Variants in DNAH5 observed in about 807,000 individuals in gnomAD.
The protein encoded by DNAH5 is dynein axonemal heavy chain 5, also known as axonemal beta dynein heavy chain 5.
In DNAH5, 372 loss-of-function variants were observed where a neutral mutation model predicts 518.2. The observed-to-expected ratio is 0.72, with a 90% CI of 0.66 to 0.78. DNAH5 has a LOEUF of 0.78. Ranked by LOEUF, DNAH5 falls within the 30% of genes least tolerant of loss-of-function variation. The pLI is 0.00. For synonymous variants in DNAH5, 2,039 were observed against 2,025.9 expected (o/e 1.01, Z -0.17); for missense variants, 5,523 against 5,687.0 (o/e 0.97, Z 0.93).
At chr5:13,948,454 TAC>T (rs1780105275), upstream of DNAH5, among the ~76,000 whole-genome samples, 1 of 152,180 alleles carries the variant, frequency 6.6e-6, no homozygotes, top group Non-Finnish European at 1.5e-5. Flanking sequence ...GTCAGATGAA[TAC>T]AGTTTTGTGA....
chr5:13,865,600 G>T, intron 27 of DNAH5, 68 bp downstream of exon 27: 1 of 946,474 alleles, frequency 1.1e-6, no homozygotes, highest in Non-Finnish European at 1.7e-6. Flanking sequence ...AAGAGAACTT[G>T]GCTGCCTATC....
intron 30 of DNAH5, 84 bp from the exon 31 acceptor site, chr5:13,850,899 G>T: frequency 7.0e-7 from 1 of 1,420,192 alleles, no homozygotes; most frequent in Non-Finnish European, 9.9e-7. Flanking sequence ...CTCCAGCTGA[G>T]GCTAGAGCTT....
At chr5:13,928,931 T>C (rs574660816) in intron 2 of DNAH5, among the ~76,000 whole-genome samples, 4 of 152,142 alleles carry the variant, frequency 2.6e-5, no homozygotes, top group Non-Finnish European at 5.9e-5. Flanking sequence ...GAAAACAGTA[T>C]GAAGGCTCCT....
At chr5:13,942,907 G>A (rs950565932) in intron 1 of DNAH5, among the ~76,000 whole-genome samples, 6 of 152,146 alleles carry the variant, frequency 3.9e-5, no homozygotes, top group African/African-American at 1.4e-4. Context: ...TTTACCAAGT[G>A]TCACTGAATA....
intron 30 of DNAH5, among the ~76,000 whole-genome samples, chr5:13,853,184 A>G (rs1370292930): frequency 6.6e-6 from 1 of 152,196 alleles, no homozygotes; most frequent in Non-Finnish European, 1.5e-5. Flanking sequence ...GCAGGCAGCA[A>G]TCTTTGCTGT....
chr5:13,824,554 C>A (rs1279403279), intron 38 of DNAH5, among the ~76,000 whole-genome samples: 2 of 152,074 alleles, frequency 1.3e-5, no homozygotes, highest in Non-Finnish European at 2.9e-5. Context: ...TTAGCTTAAG[C>A]CCTTAGATCA....
intron 76 of DNAH5, among the ~76,000 whole-genome samples, chr5:13,702,946 C>A (rs1033969633): frequency 1.2e-4 from 18 of 151,932 alleles, no homozygotes; most frequent in African/African-American, 4.1e-4. Context: ...AACCTCACGT[C>A]TGTAGGCTGC....
chr5:13,695,423 C>T (rs1020038883), intron 78 of DNAH5, among the ~76,000 whole-genome samples: 1 of 152,222 alleles, frequency 6.6e-6, no homozygotes, highest in Non-Finnish European at 1.5e-5. Context: ...CTCAGGACTT[C>T]GATATTCAAG....
chr5:13,758,776 G>T (rs1751361713), intron 61 of DNAH5, 70 bp downstream of exon 61: 1 of 1,609,032 alleles, frequency 6.2e-7, no homozygotes, highest in African/African-American at 1.3e-5. Flanking sequence ...AACCCCACAA[G>T]AACCCAAACT....
intron 40 of DNAH5, among the ~76,000 whole-genome samples, 192 bp downstream of exon 40, chr5:13,823,071 G>GT (rs1477304773): frequency 6.6e-6 from 1 of 152,206 alleles, no homozygotes; most frequent in African/African-American, 2.4e-5. Context: ...CTGTGCAATG[G>GT]TAGGAGACCC....
intron 61 of DNAH5, among the ~76,000 whole-genome samples, chr5:13,756,340 A>AT (rs5866064): frequency 0.38 from 57,436 of 151,600 alleles, 11,170 homozygotes; most frequent in South Asian, 0.48. Flanking sequence ...GTATGCCCAG[A>AT]TTTTTTTTTA....
intron 5 of DNAH5, among the ~76,000 whole-genome samples, chr5:13,921,757 C>CCA (rs1554104141): frequency 7.4e-6 from 1 of 135,434 alleles, no homozygotes; most frequent in Non-Finnish European, 1.5e-5. Context: ...CACACCCCCC[C>CCA]ACACACACAC....
At chr5:13,857,368 C>T (rs929265614) in intron 30 of DNAH5, among the ~76,000 whole-genome samples, 1 of 152,108 alleles carries the variant, frequency 6.6e-6, no homozygotes, top group Non-Finnish European at 1.5e-5. Flanking sequence ...ACAGAGGACA[C>T]AAACAAATGG....
intron 47 of DNAH5, among the ~76,000 whole-genome samples, chr5:13,806,057 C>A (rs115405152): frequency 0.031 from 4,658 of 152,230 alleles, 94 homozygotes; most frequent in African/African-American, 0.046. Context: ...AAAATAATCA[C>A]ACTCTGATCT....
intron 55 of DNAH5, among the ~76,000 whole-genome samples, chr5:13,775,682 T>C (rs1753986182): frequency 6.6e-6 from 1 of 152,028 alleles, no homozygotes; most frequent in Non-Finnish European, 1.5e-5. Flanking sequence ...TCAGATGGGG[T>C]ACCACAGAGC....
At chr5:13,724,830 A>G (rs189396037) in intron 70 of DNAH5, among the ~76,000 whole-genome samples, 1 of 152,298 alleles carries the variant, frequency 6.6e-6, no homozygotes, top group Admixed American at 6.5e-5. Flanking sequence ...ACCTTCTGCC[A>G]TGATTGAAAG....
At chr5:13,853,696 A>C (rs1268151313) in intron 30 of DNAH5, among the ~76,000 whole-genome samples, 2 of 152,018 alleles carry the variant, frequency 1.3e-5, no homozygotes, top group Non-Finnish European at 2.9e-5. Flanking sequence ...ATGGAACTGA[A>C]AAACACAGCA....
chr5:13,915,949 ACTGTGGC>A, intron 9 of DNAH5, among the ~76,000 whole-genome samples: 1 of 152,184 alleles, frequency 6.6e-6, no homozygotes, highest in African/African-American at 2.4e-5. Context: ...CAAGTAAACA[ACTGTGGC>A]ATCAAATAAA....
intron 42 of DNAH5, among the ~76,000 whole-genome samples, chr5:13,817,084 T>A (rs1761544521): frequency 6.6e-6 from 1 of 152,244 alleles, no homozygotes; most frequent in African/African-American, 2.4e-5. Flanking sequence ...CACAGAATAA[T>A]TTATTAGTTC....
Sources: allele counts gnomAD v4.1 joint callset (sites outside exome capture counted in the v4.1 genomes callset), GRCh38; gene constraint gnomAD v4.1.1; transcripts MANE v1.5; gene names NCBI Gene and HGNC (gene_info 2026-07-23, HGNC 2026-07-21).